ADAM2: variants seen among roughly 807,000 people sequenced by gnomAD.
ADAM2 encodes disintegrin and metalloproteinase domain-containing protein 2.
ADAM2 carries 101 observed loss-of-function variants against 99.3 expected under a neutral mutation model. The ratio of observed to expected loss-of-function variants is 1.02; its 90% CI spans 0.87 to 1.20. The LOEUF (loss-of-function observed/expected upper bound fraction) is 1.20, where lower values mean the gene tolerates loss of function less well. Ranked by LOEUF, ADAM2 falls within the 50% of genes most tolerant of loss-of-function variation. ADAM2 has a pLI of 0.00. For synonymous variants in ADAM2, 323 were observed against 287.6 expected (o/e 1.12, Z -1.25); for missense variants, 948 against 878.7 (o/e 1.08, Z -1.00).
chr8:39,811,656 A>C (rs1267457603), intron 6 of ADAM2, among the ~76,000 whole-genome samples: 5 of 152,210 alleles, frequency 3.3e-5, no homozygotes, highest in Middle Eastern at 3.2e-3. Context: ...CCAGCATATA[A>C]ACAGAACCAA....
chr8:39,820,837 G>A (rs1299520406), intron 6 of ADAM2, among the ~76,000 whole-genome samples, 165 bp downstream of exon 6: 6 of 152,136 alleles, frequency 3.9e-5, no homozygotes, highest in Non-Finnish European at 8.8e-5. Context: ...CTAGTTTTAA[G>A]GCTTAATGAT....
intron 10 of ADAM2, among the ~76,000 whole-genome samples, chr8:39,778,510 C>T (rs1484683781): frequency 6.6e-6 from 1 of 152,006 alleles, no homozygotes. Flanking sequence ...TCTCTTCCCT[C>T]CATCAACACT....
In ADAM2 at chr8:39,837,996, G is replaced by A. The variant is rs558739909; in HGVS notation, c.55+135C>T. The A allele has an allele frequency of 6.6e-5, 61 of 927,986 alleles. No individual in the cohort carries two copies. In the South Asian group the frequency reaches 8.6e-4, roughly 13 times the overall value. The allele number at this position is 927,986 out of a possible 1,614,324, so 57.5% of individuals were successfully genotyped here. A position where few individuals can be genotyped will look rare whatever the true frequency, so the allele number is the denominator to read the frequency against. ...TTTGGGTGGGGAAGGCGGCAATGTC[G>A]GGGATGAGCTTGGAATTGCTGAGTT... On this transcript the variant is annotated intron_variant, in intron 1 of 20. Coordinates refer to ENST00000265708, the MANE Select transcript of ADAM2 (RefSeq NM_001464.5).
intron 7 of ADAM2, among the ~76,000 whole-genome samples, chr8:39,808,168 T>C (rs1044537863): frequency 6.7e-6 from 1 of 148,556 alleles, no homozygotes; most frequent in Non-Finnish European, 1.5e-5. Flanking sequence ...AATGATCCTG[T>C]ATGCAGAAAG....
chr8:39,801,016 A>G (rs1804184376), intron 7 of ADAM2, among the ~76,000 whole-genome samples: 1 of 152,042 alleles, frequency 6.6e-6, no homozygotes, highest in South Asian at 2.1e-4. Flanking sequence ...TCTTCTGTCA[A>G]TTACTCCATA....
chr8:39,783,790 AAAATAC>A (rs904536249), intron 10 of ADAM2, among the ~76,000 whole-genome samples: 1 of 152,032 alleles, frequency 6.6e-6, no homozygotes, highest in Admixed American at 6.6e-5. Flanking sequence ...ATCTCTACTA[AAAATAC>A]AAACAATTAG....
rs758000393 is a variant in ADAM2 at position 39,788,652 on chromosome 8, A to G, written c.642+17T>C. 5 of 1,548,540 alleles carry G rather than the reference A, an allele frequency of 3.2e-6. No homozygotes were observed. In the African/African-American group the frequency reaches 6.9e-5, roughly 21 times the overall value. The stretch of plus-strand genomic sequence containing the variant: ...GTAACACAAGAAGTGCAAAAGTACT[A>G]AGAAGCAAAGACTTACAGCATTCGT... On this transcript the variant is annotated intron_variant, in intron 8 of 20. Transcript: ENST00000265708.
intron 6 of ADAM2, chr8:39,817,957 T>C (rs1176013592): frequency 6.6e-6 from 1 of 151,848 alleles, no homozygotes; most frequent in Non-Finnish European, 1.5e-5. Context: ...TAATTACTAA[T>C]AAAAATCCTT....
intron 18 of ADAM2, 65 bp downstream of exon 18, chr8:39,749,247 T>A: frequency 7.1e-7 from 1 of 1,407,016 alleles, no homozygotes; most frequent in South Asian, 1.3e-5. Context: ...AAATATTATT[T>A]GTTATCCAAT....
chr8:39,771,310 C>G (rs1483473726), intron 11 of ADAM2, among the ~76,000 whole-genome samples: 1 of 152,184 alleles, frequency 6.6e-6, no homozygotes, highest in Non-Finnish European at 1.5e-5. Context: ...CCTTACTACC[C>G]TTTATTCCCC....
At chr8:39,812,516 C>G (rs1804748753) in intron 6 of ADAM2, among the ~76,000 whole-genome samples, 1 of 152,182 alleles carries the variant, frequency 6.6e-6, no homozygotes, top group Non-Finnish European at 1.5e-5. Context: ...CACTACCTGA[C>G]TTCAAACTAT....
chr8:39,788,356 A>AT, intron 8 of ADAM2, 105 bp from the exon 9 acceptor site: 1 of 666,866 alleles, frequency 1.5e-6, no homozygotes, highest in Non-Finnish European at 2.3e-6. Flanking sequence ...CAACTAAACT[A>AT]TAAGTCTGCA....
At chr8:39,754,111 A>G (rs933538731) in intron 16 of ADAM2, among the ~76,000 whole-genome samples, 1 of 152,184 alleles carries the variant, frequency 6.6e-6, no homozygotes, top group Non-Finnish European at 1.5e-5. Context: ...TTTCCAACTC[A>G]TCCCATCCTC....
intron 15 of ADAM2, among the ~76,000 whole-genome samples, chr8:39,760,051 G>C (rs1019782870): frequency 2.0e-5 from 3 of 151,936 alleles, no homozygotes; most frequent in Non-Finnish European, 1.5e-5. Flanking sequence ...ATTTTTAGTA[G>C]AGACGGGGAT....
chr8:39,792,822 T>C (rs999981985), intron 7 of ADAM2, among the ~76,000 whole-genome samples: 11 of 152,120 alleles, frequency 7.2e-5, no homozygotes, highest in Admixed American at 1.3e-4. Flanking sequence ...TTCTGGTCTA[T>C]GCATGTTGAG....
rs150195285 is a variant in ADAM2 at position 39,769,564 on chromosome 8, C to T, written c.1040G>A (p.Gly347Asp). Residue 347 changes from glycine to aspartate, a missense_variant, in exon 12 of 21, where the codon GGT becomes GAT. By Grantham distance (94) the Gly-to-Asp change is moderately conservative (BLOSUM62 -1). Coordinates refer to ENST00000265708, the MANE Select transcript of ADAM2 (RefSeq NM_001464.5). ...GCTGCAGTTACTAAAGATCTTCACACCACTGAAATGACTAAAGACACATCA... is the reference window on the plus strand; with the variant it reads ...GCTGCAGTTACTAAAGATCTTCACATCACTGAAATGACTAAAGACACATCA... ...IMNPEAIHFS[G>D]VKIFSNCSFE... is the part of the protein sequence containing the mutation. 242 of 1,611,948 alleles carry T rather than the reference C, an allele frequency of 1.5e-4. 1 individual carries two copies. The highest frequency in any genetic ancestry group is 2.6e-5 in the Non-Finnish European group (31 of 1,178,418).
intron 7 of ADAM2, among the ~76,000 whole-genome samples, chr8:39,802,222 G>T (rs1459651569): frequency 6.6e-6 from 1 of 152,166 alleles, no homozygotes; most frequent in African/African-American, 2.4e-5. Flanking sequence ...TGGCTGGGGG[G>T]AGGGGATTCC....
In ADAM2 at chr8:39,786,979, C is replaced by A; in HGVS notation, c.886G>T (p.Val296Phe). The change falls in exon 10 of 21, where the codon GTT becomes TTT. Residue 296 changes from valine (V) to phenylalanine (F), a missense_variant. Transcript: ENST00000265708. ...MCDANYAGGV[V>F]LHPRTISLES... ...TATACATAACCATACCATACCAGAACAACACCTCCTGCATAGTTTGCATCA... is the reference window on the plus strand; with the variant it reads ...TATACATAACCATACCATACCAGAAAAACACCTCCTGCATAGTTTGCATCA... 1 of 1,588,394 alleles carries A rather than the reference C, an allele frequency of 6.3e-7. No homozygotes were observed. The highest frequency in any genetic ancestry group is 1.2e-5 in the South Asian group (1 of 86,030).
intron 10 of ADAM2, among the ~76,000 whole-genome samples, chr8:39,778,226 G>A (rs1803078494): frequency 6.6e-6 from 1 of 151,680 alleles, no homozygotes; most frequent in Non-Finnish European, 1.5e-5. Flanking sequence ...TTCATGATAG[G>A]TTTCTAGGTA....
Sources: allele counts gnomAD v4.1 joint callset (sites outside exome capture counted in the v4.1 genomes callset), GRCh38; gene constraint gnomAD v4.1.1; transcripts MANE v1.5; gene names NCBI Gene and HGNC (gene_info 2026-07-23, HGNC 2026-07-21).